Variants in KIF5A observed in about 807,000 individuals in gnomAD.
KIF5A encodes the protein kinesin family member 5A, also known as kinesin heavy chain isoform 5A.
KIF5A carries 35 observed loss-of-function variants against 141.3 expected under a neutral mutation model. The observed-to-expected ratio is 0.25, with a 90% CI of 0.19 to 0.33. KIF5A has a LOEUF of 0.33. Among genes scored for constraint, KIF5A ranks in the 10% least tolerant of loss-of-function variants. The pLI is 1.00. For synonymous variants in KIF5A, 448 were observed against 500.2 expected (o/e 0.90, Z 1.39); for missense variants, 861 against 1,314.3 (o/e 0.66, Z 5.33).
At chr12:57,553,269 CTT>C (rs916762249) in intron 1 of KIF5A, among the ~76,000 whole-genome samples, 2 of 152,180 alleles carry the variant, frequency 1.3e-5, no homozygotes, top group African/African-American at 2.4e-5. Flanking sequence ...CACACACACT[CTT>C]TCTCTTTCCC....
At chr12:57,555,707 G>C (rs1322706625) in intron 1 of KIF5A, among the ~76,000 whole-genome samples, 1 of 151,656 alleles carries the variant, frequency 6.6e-6, no homozygotes, top group Non-Finnish European at 1.5e-5. Context: ...TCAGGAGTTC[G>C]ACACCAGCAT....
Position 57,576,762 on chromosome 12 carries a change from C to G in KIF5A, c.2200C>G (p.Leu734Val), listed in dbSNP as rs754561927. 1 of 1,611,216 alleles carries G rather than the reference C, an allele frequency of 6.2e-7. No individual in the cohort carries two copies. The highest frequency in any genetic ancestry group is 8.5e-7 in the Non-Finnish European group (1 of 1,177,728). Reference sequence around the variant, plus strand: ...CCATTACCTTCTGATGCTCTGTAGCCTAAATCAGAAGCTCCAGTTAGAGCT... The same window carrying G: ...CCATTACCTTCTGATGCTCTGTAGCGTAAATCAGAAGCTCCAGTTAGAGCT... The part of the protein sequence containing the change: ...KQKTIDELKD[L>V]NQKLQLELEK... Residue 734 changes from leucine to valine, a missense_variant and splice_region_variant, in exon 20 of 29, where the codon CTA becomes GTA. Physicochemically the swap from Leu to Val is conservative, Grantham distance 32. This residue lies in a region of KIF5A where 482 missense variants were observed against 661.3 expected (regional missense o/e 0.73). Coordinates refer to ENST00000455537, the MANE Select transcript of KIF5A (RefSeq NM_004984.4).
At chr12:57,567,279 T>C in intron 7 of KIF5A, 66 bp downstream of exon 7, 3 of 1,390,556 alleles carry the variant, frequency 2.2e-6, no homozygotes, top group Admixed American at 1.7e-5. Context: ...TCCTCTGGGG[T>C]GGAGGGACTC....
In KIF5A at chr12:57,569,689, A is replaced by T; in HGVS notation, c.1117+6A>T. 1 of 1,613,200 alleles carries T rather than the reference A, an allele frequency of 6.2e-7. No homozygotes were observed. Among genetic ancestry groups the T allele is most frequent in the East Asian group, 2.2e-5 (1 of 44,868 alleles). The stretch of plus-strand genomic sequence containing the variant: ...GCTGAGCCGGTGGCGCAATGGTTAG[A>T]GAGGGATAGGTGGGAGTGAGGGGCA... On this transcript the variant is annotated splice_donor_region_variant and intron_variant, in intron 11 of 28. Coordinates refer to ENST00000455537, the MANE Select transcript of KIF5A (RefSeq NM_004984.4).
Position 57,581,462 on chromosome 12 carries a change from C to T in KIF5A, c.2803C>T (p.Pro935Ser), listed in dbSNP as rs764612223. ...CTACCCAGCATCCTCACCCACCAAC[C>T]CCTATGGCACCCGGAGCCCTGAGTG... ...GHYPASSPTN[P>S]YGTRSPECIS... is the part of the protein sequence containing the mutation. Residue 935 changes from proline (P) to serine (S), a missense_variant, in exon 25 of 29, where the codon CCC becomes TCC. This residue lies in a region of KIF5A where 482 missense variants were observed against 661.3 expected (regional missense o/e 0.73). Coordinates refer to ENST00000455537, the MANE Select transcript of KIF5A (RefSeq NM_004984.4). 28 of 1,613,956 alleles carry T rather than the reference C, an allele frequency of 1.7e-5. No individual in the cohort carries two copies. Among genetic ancestry groups the T allele is most frequent in the Non-Finnish European group, 2.3e-5 (27 of 1,180,026 alleles).
intron 1 of KIF5A, among the ~76,000 whole-genome samples, chr12:57,559,177 G>T (rs1196241826): frequency 6.6e-6 from 1 of 152,244 alleles, no homozygotes; most frequent in East Asian, 1.9e-4. Context: ...ACAGTTGAAT[G>T]ACCTTGTATA....
chr12:57,581,990 C>A, intron 26 of KIF5A, 38 bp downstream of exon 26: 2 of 1,546,384 alleles, frequency 1.3e-6, no homozygotes, highest in Non-Finnish European at 1.8e-6. Flanking sequence ...CTTTGGGGTC[C>A]TCAGGGCAAG....
At chr12:57,556,296 G>A (rs1182075789) in intron 1 of KIF5A, among the ~76,000 whole-genome samples, 6 of 151,882 alleles carry the variant, frequency 4.0e-5, no homozygotes, top group Non-Finnish European at 8.8e-5. Flanking sequence ...CTGCCACCAC[G>A]CCCGGCTAAT....
In KIF5A at chr12:57,576,358, G is replaced by A. The variant is rs753083346; in HGVS notation, c.2178G>A (p.Lys726=). ...GGGACGAGATCAACGAGAAGCAGAA[G>A]ACCATTGATGAGCTCAAAGAGTAAG... ...RLRDEINEKQ[K]TIDELKDLNQ... Residue 726 remains lysine, a synonymous_variant, in exon 19 of 29, where the codon AAG becomes AAA. Transcript: ENST00000455537. The A allele has an allele frequency of 3.7e-6, 6 of 1,613,774 alleles. No homozygotes were observed. Among genetic ancestry groups the A allele is most frequent in the Non-Finnish European group, 5.1e-6 (6 of 1,179,834 alleles).
chr12:57,570,850 G>A (rs1369856259), intron 12 of KIF5A, among the ~76,000 whole-genome samples: 1 of 152,000 alleles, frequency 6.6e-6, no homozygotes, highest in Non-Finnish European at 1.5e-5. Context: ...AAGTGCAGTG[G>A]TGCAGTAATA....
chr12:57,563,483 T>A lies in KIF5A; in HGVS notation c.174T>A (p.Thr58=). 1 of 1,613,988 alleles carries A rather than the reference T, an allele frequency of 6.2e-7. No homozygotes were observed. Among genetic ancestry groups the A allele is most frequent in the Non-Finnish European group, 8.5e-7 (1 of 1,179,888 alleles). ...VFDRVFPPNT[T]QEQVYHACAM... ...ACCGTGTATTCCCCCCAAACACGAC[T>A]CAAGAGCAAGTTTATCATGCATGTG... Residue 58 remains threonine (T), a synonymous_variant, in exon 2 of 29, where the codon ACT becomes ACA. Coordinates refer to ENST00000455537, the MANE Select transcript of KIF5A (RefSeq NM_004984.4).
chr12:57,570,074 A>G lies in KIF5A; in HGVS notation c.1205A>G (p.Asn402Ser). 6.2e-7 allele frequency: 1 copy of G among 1,614,110 alleles called. No individual in the cohort carries two copies. Among genetic ancestry groups the G allele is most frequent in the Non-Finnish European group, 8.5e-7 (1 of 1,180,010 alleles). ...TGTGAGGAGACCCCTGTGAATGACA[A>G]CTCATCCATCGTGGTGCGCATCGCG... ...ELCEETPVND[N>S]SSIVVRIAPE... The change falls in exon 12 of 29, where the codon AAC becomes AGC. Residue 402 changes from asparagine (N) to serine (S), a missense_variant. By Grantham distance (46) the Asn-to-Ser change is conservative. Coordinates refer to ENST00000455537, the MANE Select transcript of KIF5A (RefSeq NM_004984.4).
intron 2 of KIF5A, 35 bp downstream of exon 2, chr12:57,563,561 C>A: frequency 6.2e-7 from 1 of 1,603,816 alleles, no homozygotes; most frequent in Non-Finnish European, 8.5e-7. Context: ...CTCTTCTCAG[C>A]ACCCCATTTC....
chr12:57,579,342 C>T (rs1401263955), intron 23 of KIF5A, among the ~76,000 whole-genome samples: 1 of 152,104 alleles, frequency 6.6e-6, no homozygotes, highest in African/African-American at 2.4e-5. Flanking sequence ...GTCAACTGGT[C>T]CTTTTAACTA....
intron 19 of KIF5A, 131 bp from the exon 20 acceptor site, chr12:57,576,630 T>C: frequency 5.2e-6 from 4 of 765,226 alleles, no homozygotes; most frequent in Non-Finnish European, 9.2e-6. Flanking sequence ...GCCTCTGGTA[T>C]CTGAAGGTGG....
In KIF5A at chr12:57,585,420, T is replaced by TC. The variant is rs953952288; in HGVS notation, c.*1242dup. 1.3e-5 allele frequency: 2 copies of TC among 154,474 alleles called. No homozygotes were observed. Among genetic ancestry groups the TC allele is most frequent in the Admixed American group, 6.5e-5 (1 of 15,294 alleles). The allele number at this position is 154,474 out of a possible 1,614,324, so 9.6% of individuals were successfully genotyped here. A position where few individuals can be genotyped will look rare whatever the true frequency, so the allele number is the denominator to read the frequency against. On this transcript the variant is annotated 3_prime_UTR_variant, in exon 29 of 29. Coordinates refer to ENST00000455537, the MANE Select transcript of KIF5A (RefSeq NM_004984.4). ...TAAGGCTTGACCCTGAGGGGTCTTCTCCCAGCCATTCTCAGCCCATATGCA... is the reference window on the plus strand; with the variant it reads ...TAAGGCTTGACCCTGAGGGGTCTTCTCCCCAGCCATTCTCAGCCCATATGCA...
chr12:57,574,772 G>T (rs1208817742), intron 15 of KIF5A, among the ~76,000 whole-genome samples: 1 of 150,836 alleles, frequency 6.6e-6, no homozygotes, highest in African/African-American at 2.4e-5. Flanking sequence ...TAGAGACAGG[G>T]TTTCACCACC....
intron 19 of KIF5A, 112 bp downstream of exon 19, chr12:57,576,490 A>G (rs1882430618): frequency 7.1e-6 from 6 of 850,640 alleles, no homozygotes; most frequent in East Asian, 2.6e-5. Flanking sequence ...TCATTCCCTC[A>G]ACAATGCCAC....
intron 6 of KIF5A, among the ~76,000 whole-genome samples, chr12:57,565,223 C>T (rs1176078408): frequency 6.6e-6 from 1 of 151,366 alleles, no homozygotes; most frequent in African/African-American, 2.4e-5. Context: ...AGTTCAAGAC[C>T]AGCCTGGCCA....
Sources: allele counts gnomAD v4.1 joint callset (sites outside exome capture counted in the v4.1 genomes callset), GRCh38; gene constraint gnomAD v4.1.1; regional missense constraint gnomAD v4.1.1; transcripts MANE v1.5; gene names NCBI Gene and HGNC (gene_info 2026-07-23, HGNC 2026-07-21).